The following WNT2B variants were observed in gnomAD, a reference collection of about 807,000 sequenced individuals.
The protein encoded by WNT2B is Wnt family member 2B, also known as protein Wnt-2b.
Under a neutral mutation model 40.5 loss-of-function variants are expected in WNT2B, and 19 were observed. The ratio of observed to expected loss-of-function variants is 0.47; its 90% CI spans 0.33 to 0.69. The LOEUF is 0.69. Ranked by LOEUF, WNT2B falls within the 30% of genes least tolerant of loss-of-function variation. The probability of loss-of-function intolerance (pLI) is 0.02; values close to 1 mark genes in which losing one functional copy is unlikely to be tolerated. For synonymous variants in WNT2B, 220 were observed against 211.9 expected (o/e 1.04, Z -0.33); for missense variants, 467 against 556.4 (o/e 0.84, Z 1.62).
chr1:112,490,785 G>A (rs1192684021), intron 1 of WNT2B, among the ~76,000 whole-genome samples: 1 of 151,970 alleles, frequency 6.6e-6, no homozygotes, highest in Admixed American at 6.6e-5. Flanking sequence ...CCCCGCGCCC[G>A]GCCAAAGAAC....
Position 112,528,376 on chromosome 1 carries a change from A to G in WNT2B, c.*7867A>G, listed in dbSNP as rs1318641667. The stretch of plus-strand genomic sequence containing the variant: ...TAATGTGAGGTGACTGTGTGCACCT[A>G]GACTGTCAAATGGTTCAGCATCCCC... On this transcript the variant is annotated 3_prime_UTR_variant, in exon 5 of 5. Coordinates refer to ENST00000369684, the MANE Select transcript of WNT2B (RefSeq NM_024494.3). 1 of 152,176 alleles carries G rather than the reference A, an allele frequency of 6.6e-6. No individual in the cohort carries two copies. 9.4% of individuals were successfully genotyped at this position (152,176 alleles called of 1,614,324 possible).
intron 1 of WNT2B, among the ~76,000 whole-genome samples, chr1:112,485,646 A>G (rs1651392692): frequency 6.6e-6 from 1 of 152,228 alleles, no homozygotes; most frequent in South Asian, 2.1e-4. Context: ...TCTTTTCAAT[A>G]AATGGTACTG....
At chr1:112,507,522 G>A (rs1652145229), upstream of WNT2B, among the ~76,000 whole-genome samples, 1 of 152,376 alleles carries the variant, frequency 6.6e-6, no homozygotes, top group Middle Eastern at 3.4e-3. Context: ...GGGCTGCGGA[G>A]TGAGGGGCGC....
chr1:112,508,648 C>T, upstream of WNT2B: 2 of 942,722 alleles, frequency 2.1e-6, no homozygotes, highest in Non-Finnish European at 2.5e-6. This position sits in a 1 kb window ranked among gnomAD's most constrained non-coding sequence, Gnocchi z 4.2. Flanking sequence ...TCCCGCTCCG[C>T]CAGCCTGGCC....
rs755695778 is a variant in WNT2B, at chr1:112,517,131, G to A, written c.692G>A (p.Arg231Gln). ...NNRCGRTAVRRFLKLECKCHG... is the reference protein window; with the variant it reads ...NNRCGRTAVRQFLKLECKCHG... Reference sequence around the variant, plus strand: ...TTCCCCCTCCCCCAGGCTGTGCGGCGGTTTCTGAAGCTGGAGTGTAAGTGC... The same window carrying A: ...TTCCCCCTCCCCCAGGCTGTGCGGCAGTTTCTGAAGCTGGAGTGTAAGTGC... The change falls in exon 4 of 5, where the codon CGG (arginine) becomes CAG (glutamine). Residue 231 changes from arginine to glutamine, a missense_variant. Coordinates refer to ENST00000369684, the MANE Select transcript of WNT2B (RefSeq NM_024494.3). 3.4e-5 allele frequency: 54 copies of A among 1,610,944 alleles called. No individual in the cohort carries two copies. Among genetic ancestry groups the A allele is most frequent in the East Asian group, 6.7e-5 (3 of 44,808 alleles).
chr1:112,502,206 C>T (rs1651980477), intron 1 of WNT2B, among the ~76,000 whole-genome samples: 1 of 152,116 alleles, frequency 6.6e-6, no homozygotes, highest in Non-Finnish European at 1.5e-5. Flanking sequence ...TGGCGGACGC[C>T]GGGAGGAGCC....
At chr1:112,478,656 C>G (rs143265834) in intron 1 of WNT2B, among the ~76,000 whole-genome samples, 1 of 152,056 alleles carries the variant, frequency 6.6e-6, no homozygotes, top group African/African-American at 2.4e-5. Context: ...CATGGTGGCT[C>G]ACACCTGTAA....
In WNT2B at chr1:112,516,646, A is replaced by G. The variant is rs114127451; in HGVS notation, c.681+229A>G. On this transcript the variant is annotated intron_variant, in intron 3 of 4. Transcript: ENST00000369684. The stretch of plus-strand genomic sequence containing the variant: ...ATAGGTGGAAAGTAGGAAAAGGTGG[A>G]GAAAAGAAGTAACTTTTTAAGAAGG... 4.5e-3 allele frequency among the ~76,000 whole-genome samples: 685 copies of G among 152,326 alleles called. 4 individuals are homozygous for G. The highest frequency in any genetic ancestry group is 0.015 in the African/African-American group (615 of 41,580).
intron 4 of WNT2B, among the ~76,000 whole-genome samples, chr1:112,518,949 T>C (rs1652711840): frequency 6.6e-6 from 1 of 152,242 alleles, no homozygotes; most frequent in African/African-American, 2.4e-5. Flanking sequence ...ACTTGGAATA[T>C]AACTAGTGTG....
intron 1 of WNT2B, among the ~76,000 whole-genome samples, chr1:112,511,890 TC>T (rs963448971): frequency 3.5e-4 from 54 of 152,370 alleles, no homozygotes; most frequent in African/African-American, 1.2e-3. Context: ...ATGAGCATGA[TC>T]TTTGTCAATC....
At chr1:112,472,265 TGA>T (rs1340829089) in intron 1 of WNT2B, among the ~76,000 whole-genome samples, 2 of 152,124 alleles carry the variant, frequency 1.3e-5, no homozygotes, top group Admixed American at 6.5e-5. Flanking sequence ...ACAGCTTCAG[TGA>T]GAGAGATCAC....
In WNT2B at chr1:112,520,804, G is replaced by A. The variant is rs17030446; in HGVS notation, c.*295G>A. On this transcript the variant is annotated 3_prime_UTR_variant, in exon 5 of 5. Transcript: ENST00000369684. ...AGTGAAATGAGTTGCACTAAAGTAC[G>A]TAGTTGAGGCTCCTTTTTTCTTTCC... 5,776 of 409,980 alleles carry A rather than the reference G, an allele frequency of 0.014. 301 individuals are homozygous for A. Among genetic ancestry groups the A allele is most frequent in the African/African-American group, 0.1 (5,204 of 50,364 alleles). The allele number at this position is 409,980 out of a possible 1,614,324, so 25.4% of individuals were successfully genotyped here.
intron 1 of WNT2B, among the ~76,000 whole-genome samples, chr1:112,497,333 A>G (rs529740529): frequency 4.5e-4 from 68 of 152,170 alleles, no homozygotes; most frequent in Non-Finnish European, 9.4e-4. Context: ...TCAAATCTAG[A>G]TGGAGGTAGC....
chr1:112,520,317 A>C lies in WNT2B; in HGVS notation c.984A>C (p.Thr328=), dbSNP rs748193343. The C allele has an allele frequency of 6.2e-7, 1 of 1,614,182 alleles. No individual in the cohort carries two copies. The change falls in exon 5 of 5, where the codon ACA becomes ACC. Residue 328 remains threonine, a synonymous_variant. Coordinates refer to ENST00000369684, the MANE Select transcript of WNT2B (RefSeq NM_024494.3). ...CTGCAGGCCGTGTCTGCAGCAAGAC[A>C]TCAAAAGGAACAGACGGTTGTGAAA... The part of the protein sequence containing the change: ...LGTAGRVCSK[T]SKGTDGCEIM...
At chr1:112,484,306 T>TATATATATACACACACACATATAGAG (rs1557909989) in intron 1 of WNT2B, among the ~76,000 whole-genome samples, 2 of 142,580 alleles carry the variant, frequency 1.4e-5, no homozygotes, top group African/African-American at 5.3e-5. Context: ...CACATATATA[T>TATATATATACACACACACATATAGAG]AGAGAGAGAG....
rs1652532515 is a variant in WNT2B at position 112,516,215 on chromosome 1, A to G, written c.479A>G (p.Gln160Arg). The G allele has an allele frequency of 6.2e-7, 1 of 1,614,070 alleles. No individual in the cohort carries two copies. The highest frequency in any genetic ancestry group is 1.3e-5 in the African/African-American group (1 of 75,014). ...VVHAITRACSQGELSVCSCDP... is the reference protein window; with the variant it reads ...VVHAITRACSRGELSVCSCDP... ...CACGCTATTACTCGCGCCTGTAGCCAGGGTGAACTGAGTGTGTGCAGCTGT... is the reference window on the plus strand; with the variant it reads ...CACGCTATTACTCGCGCCTGTAGCCGGGGTGAACTGAGTGTGTGCAGCTGT... Residue 160 changes from glutamine to arginine, a missense_variant, in exon 3 of 5, where the codon CAG becomes CGG. This residue lies in a region of WNT2B where 330 missense variants were observed against 438.6 expected (regional missense o/e 0.75). Coordinates refer to ENST00000369684, the MANE Select transcript of WNT2B (RefSeq NM_024494.3).
Position 112,527,573 on chromosome 1 carries a change from C to G in WNT2B, c.*7064C>G, listed in dbSNP as rs981799418. On this transcript the variant is annotated 3_prime_UTR_variant, in exon 5 of 5. Transcript: ENST00000369684. Reference sequence around the variant, plus strand: ...CTAACCCTGACTCCTGGAAAAGAGGCAGAGCAGGAGAGTGTTGAATGAGCT... The same window carrying G: ...CTAACCCTGACTCCTGGAAAAGAGGGAGAGCAGGAGAGTGTTGAATGAGCT... 6.5e-6 allele frequency: 1 copy of G among 152,680 alleles called. No individual in the cohort carries two copies. Among genetic ancestry groups the G allele is most frequent in the African/African-American group, 2.4e-5 (1 of 41,450 alleles). 9.5% of individuals were successfully genotyped at this position (152,680 alleles called of 1,614,324 possible).
intron 1 of WNT2B, among the ~76,000 whole-genome samples, chr1:112,474,117 A>T (rs1165578546): frequency 6.6e-6 from 1 of 151,852 alleles, no homozygotes; most frequent in Non-Finnish European, 1.5e-5. Flanking sequence ...ATAATCAAAA[A>T]GCCTAAAACC....
intron 1 of WNT2B, among the ~76,000 whole-genome samples, chr1:112,479,898 G>C (rs1651170774): frequency 6.6e-6 from 1 of 151,702 alleles, no homozygotes; most frequent in Non-Finnish European, 1.5e-5. Context: ...TTTTTTAGTA[G>C]AGACGGGGTT....
Sources: allele counts gnomAD v4.1 joint callset (sites outside exome capture counted in the v4.1 genomes callset), GRCh38; gene constraint gnomAD v4.1.1; regional missense constraint gnomAD v4.1.1; non-coding constraint Gnocchi (gnomAD v3.1); transcripts MANE v1.5; gene names NCBI Gene and HGNC (gene_info 2026-07-23, HGNC 2026-07-21).